Variants in CASKIN2 observed in about 807,000 individuals in gnomAD.
The protein encoded by CASKIN2 is caskin-2.
CASKIN2 carries 41 observed loss-of-function variants against 107.1 expected under a neutral mutation model. The ratio of observed to expected loss-of-function variants is 0.38; its 90% CI spans 0.30 to 0.50. The LOEUF (loss-of-function observed/expected upper bound fraction) is 0.50, where lower values mean the gene tolerates loss of function less well. Among genes scored for constraint, CASKIN2 ranks in the 20% least tolerant of loss-of-function variants. CASKIN2 has a pLI of 0.92. For synonymous variants in CASKIN2, 724 were observed against 705.6 expected (o/e 1.03, Z -0.41); for missense variants, 1,546 against 1,657.4 (o/e 0.93, Z 1.17).
intron 2 of CASKIN2, among the ~76,000 whole-genome samples, chr17:75,513,510 G>A (rs1453003104): frequency 6.6e-6 from 1 of 152,148 alleles, no homozygotes; most frequent in Non-Finnish European, 1.5e-5. Context: ...GCCCAGAGAG[G>A]TTAAGTGACT....
In CASKIN2 at chr17:75,502,316, G is replaced by A. The variant is rs1029321751; in HGVS notation, c.2758C>T (p.Pro920Ser). 1 of 1,489,778 alleles carries A rather than the reference G, an allele frequency of 6.7e-7. No individual in the cohort carries two copies. The highest frequency in any genetic ancestry group is 2.4e-5 in the Admixed American group (1 of 42,044). The allele number at this position is 1,489,778 out of a possible 1,614,324, so 92.3% of individuals were successfully genotyped here. Residue 920 changes from proline (P) to serine (S), a missense_variant, in exon 18 of 20, where the codon CCT becomes TCT. By Grantham distance (74) the Pro-to-Ser change is moderately conservative (BLOSUM62 -1). This residue lies in a region of CASKIN2 where 1,311 missense variants were observed against 1,311.0 expected (regional missense o/e 1.00). Coordinates refer to ENST00000321617, the MANE Select transcript of CASKIN2 (RefSeq NM_020753.5). This position sits in a 1 kb window ranked among gnomAD's most constrained non-coding sequence, Gnocchi z 4.3. ...TCTGACGCGGGCCCAGCCGGGGCAGGTGGGCCAGGGGGCTCTGAGGGGCCA... is the reference window on the plus strand; with the variant it reads ...TCTGACGCGGGCCCAGCCGGGGCAGATGGGCCAGGGGGCTCTGAGGGGCCA... ...PAGPSEPPGP[P>S]APAGPASDTE...
intron 2 of CASKIN2, among the ~76,000 whole-genome samples, chr17:75,509,255 T>C (rs550971483): frequency 6.6e-6 from 1 of 152,312 alleles, no homozygotes; most frequent in South Asian, 2.1e-4. Context: ...AGGCCTGTCA[T>C]GGGTGGCCCC....
chr17:75,501,868 G>C lies in CASKIN2; in HGVS notation c.3206C>G (p.Pro1069Arg). Residue 1069 changes from proline (P) to arginine (R), a missense_variant, in exon 18 of 20, where the codon CCA becomes CGA. Physicochemically the swap from Pro to Arg is moderately radical, Grantham distance 103. Coordinates refer to ENST00000321617, the MANE Select transcript of CASKIN2 (RefSeq NM_020753.5). Reference sequence around the variant, plus strand: ...ACTAGCTGCTGAGCTTTCCAGACCTGGCCCTGGGCAGGGCGGCACTGGAGG... The same window carrying C: ...ACTAGCTGCTGAGCTTTCCAGACCTCGCCCTGGGCAGGGCGGCACTGGAGG... ...MQPPVPPCPGPGLESSAASRW... is the reference protein window; with the variant it reads ...MQPPVPPCPGRGLESSAASRW... 1.3e-6 allele frequency: 2 copies of C among 1,562,278 alleles called. No homozygotes were observed. The highest frequency in any genetic ancestry group is 1.7e-6 in the Non-Finnish European group (2 of 1,155,506).
rs1251691891 is a variant in CASKIN2 at position 75,505,257 on chromosome 17, CCT to C, written c.931-186_931-185del. 21 of 710,156 alleles carry C rather than the reference CCT, an allele frequency of 3.0e-5. No individual in the cohort carries two copies. Among genetic ancestry groups the C allele is most frequent in the African/African-American group, 2.3e-4 (13 of 56,226 alleles). 44.0% of individuals were successfully genotyped at this position (710,156 alleles called of 1,614,324 possible). On this transcript the variant is annotated intron_variant, in intron 10 of 19. Transcript: ENST00000321617. The surrounding 1 kb of genome is among the most constrained non-coding windows in gnomAD (Gnocchi z 5.1). ...GCTGCCAGCAGCCAGCTCAATCTCC[CCT>C]GTGCCTCCAGGGCGAGCCCCAGTGG... is the stretch of plus-strand genomic sequence containing the variant.
intron 2 of CASKIN2, among the ~76,000 whole-genome samples, chr17:75,512,975 G>A (rs182837627): frequency 1.3e-5 from 2 of 152,036 alleles, no homozygotes; most frequent in Admixed American, 6.5e-5. Flanking sequence ...AAATGTGTGC[G>A]TTTGAGGTTG....
In CASKIN2 at chr17:75,508,248, G is replaced by T; in HGVS notation, c.132C>A (p.Tyr44Ter). Residue 44 changes from tyrosine to a stop codon, truncating the protein, a stop_gained, in exon 3 of 20, where the codon TAC (tyrosine) becomes TAA (stop). Coordinates refer to ENST00000321617, the MANE Select transcript of CASKIN2 (RefSeq NM_020753.5). LOFTEE classifies it high-confidence loss of function. ...CTCCCACTCACCCATCAGCATCCTG[G>T]TAGTTCACGTTGAGCCTCTTTGTGG... ...LGSTKRLNVN[Y>*]QDADGFSALH... 6.2e-7 allele frequency: 1 copy of T among 1,613,936 alleles called. No individual in the cohort carries two copies.
intron 2 of CASKIN2, chr17:75,510,001 C>T (rs2053303367): frequency 1.2e-6 from 1 of 861,506 alleles, no homozygotes; most frequent in Non-Finnish European, 1.4e-6. Context: ...GGGCTGGGGA[C>T]CCTGGCAGGA....
intron 19 of CASKIN2, 49 bp downstream of exon 19, chr17:75,501,419 G>A (rs778663554): frequency 1.9e-6 from 3 of 1,544,170 alleles, no homozygotes; most frequent in South Asian, 1.2e-5. Flanking sequence ...GATGCAGGGA[G>A]CACTGTTTCT....
rs1162350284 is a variant in CASKIN2, at chr17:75,506,657, G to A, written c.543C>T (p.Ala181=). 6.8e-6 allele frequency: 11 copies of A among 1,613,200 alleles called. No homozygotes were observed. The South Asian group carries it at 1.1e-4, about 16-fold the overall frequency. ...TGTAGTTGGGGTCACACGGGTCTTT[G>A]GCCTCACCCTCCAGCAGTGCCACAC... ...HLCVALLEGE[A]KDPCDPNYTT... is the part of the protein sequence containing the mutation. The change falls in exon 7 of 20, where the codon GCC becomes GCT. Residue 181 remains alanine (A), a synonymous_variant. Coordinates refer to ENST00000321617, the MANE Select transcript of CASKIN2 (RefSeq NM_020753.5). This position sits in a 1 kb window ranked among gnomAD's most constrained non-coding sequence, Gnocchi z 4.8.
chr17:75,503,289 G>C (rs529687890), intron 17 of CASKIN2, 35 bp from the exon 18 acceptor site: 1 of 1,573,406 alleles, frequency 6.4e-7, no homozygotes, highest in East Asian at 2.3e-5. Context: ...AGGTTAGCTG[G>C]GGCTGGGGTT....
intron 1 of CASKIN2, among the ~76,000 whole-genome samples, chr17:75,514,474 T>C (rs1457852969): frequency 6.6e-6 from 1 of 152,084 alleles, no homozygotes; most frequent in East Asian, 1.9e-4. Context: ...TACCTCAACC[T>C]TGGGCAGGAG....
chr17:75,502,422 C>CGGGCTG lies in CASKIN2; in HGVS notation c.2646_2651dup (p.Ser883_Pro884dup). The CGGGCTG allele has an allele frequency of 7.2e-7, 1 of 1,387,724 alleles. No homozygotes were observed. The highest frequency in any genetic ancestry group is 9.3e-7 in the Non-Finnish European group (1 of 1,079,094). The allele number at this position is 1,387,724 out of a possible 1,614,324, so 86.0% of individuals were successfully genotyped here. Reference sequence around the variant, plus strand: ...GGCTCTCATCTAGTGGAGGTGGCTCCGGGCTGGGGCCAGAGACGGAGCTGA... The same window carrying CGGGCTG: ...GGCTCTCATCTAGTGGAGGTGGCTCCGGGCTGGGGCTGGGGCCAGAGACGGAGCTGA... On this transcript the variant is annotated inframe_insertion, in exon 18 of 20. Transcript: ENST00000321617. The surrounding 1 kb of genome is among the most constrained non-coding windows in gnomAD (Gnocchi z 4.3).
At chr17:75,507,926 G>A (rs2053282884) in intron 3 of CASKIN2, 4 of 581,752 alleles carry the variant, frequency 6.9e-6, no homozygotes, top group Non-Finnish European at 1.2e-5. Flanking sequence ...GGGGGCCGTG[G>A]GAGCAGGAGC....
rs1283234669 is a variant in CASKIN2, at chr17:75,501,820, G to A, written c.3254C>T (p.Pro1085Leu). 6.4e-7 allele frequency: 1 copy of A among 1,551,206 alleles called. No homozygotes were observed. ...AASRWNGETE[P>L]PAAPAALLKV... ...GAGGAGGGCAGCAGGGGCGGCCGGGGGTTCTGTCTCCCCATTCCACCGACT... is the reference window on the plus strand; with the variant it reads ...GAGGAGGGCAGCAGGGGCGGCCGGGAGTTCTGTCTCCCCATTCCACCGACT... Residue 1085 changes from proline (P) to leucine (L), a missense_variant, in exon 18 of 20, where the codon CCC becomes CTC. This residue lies in a region of CASKIN2 where 1,311 missense variants were observed against 1,311.0 expected (regional missense o/e 1.00). Coordinates refer to ENST00000321617, the MANE Select transcript of CASKIN2 (RefSeq NM_020753.5).
At position 75,503,425 on chromosome 17, in the gene CASKIN2, A is replaced by C. The variant is rs1438524710; in HGVS notation, c.1783T>G (p.Trp595Gly). ...ACCCCAATCTCCTGCAGCTCCTCCC[A>C]GGTGAGGTCGGCCACCAGCCCCATG... is the stretch of plus-strand genomic sequence containing the variant. ...DSMGLVADLT[W>G]EELQEIGVNK... is the part of the protein sequence containing the mutation. Residue 595 changes from tryptophan (W) to glycine (G), a missense_variant, in exon 17 of 20, where the codon TGG becomes GGG. Around this residue, in one of 6 missense-constraint regions of CASKIN2, gnomAD observed 1,311 missense variants for 1,311.0 expected, o/e 1.00. Coordinates refer to ENST00000321617, the MANE Select transcript of CASKIN2 (RefSeq NM_020753.5). The C allele has an allele frequency of 1.9e-6, 3 of 1,612,814 alleles. No individual in the cohort carries two copies. The highest frequency in any genetic ancestry group is 2.5e-6 in the Non-Finnish European group (3 of 1,179,890).
rs529550656 is a variant in CASKIN2 at position 75,504,240 on chromosome 17, C to A, written c.1442G>T (p.Arg481Leu). 3.8e-6 allele frequency: 6 copies of A among 1,598,426 alleles called. No individual in the cohort carries two copies. In the South Asian group the frequency reaches 6.8e-5, roughly 18 times the overall value. The stretch of plus-strand genomic sequence containing the variant: ...CTTCCCCTCCAGCAGCTGTTCTGGC[C>A]GCACGTCCTGGGTGAAGATCTGCTC... The part of the protein sequence containing the change: ...SGEQIFTQDV[R>L]PEQLLEGKDA... Residue 481 changes from arginine to leucine, a missense_variant, in exon 14 of 20, where the codon CGG becomes CTG. By Grantham distance (102) the Arg-to-Leu change is moderately radical. Coordinates refer to ENST00000321617, the MANE Select transcript of CASKIN2 (RefSeq NM_020753.5).
At chr17:75,509,991 G>A (rs984039596) in intron 2 of CASKIN2, 16 of 919,036 alleles carry the variant, frequency 1.7e-5, no homozygotes, top group East Asian at 2.4e-4. Flanking sequence ...CAGAGTGACC[G>A]GGCTGGGGAC....
chr17:75,502,064 T>A lies in CASKIN2; in HGVS notation c.3010A>T (p.Thr1004Ser), dbSNP rs1201248059. The change falls in exon 18 of 20, where the codon ACC becomes TCC. Residue 1004 changes from threonine to serine, a missense_variant. Physicochemically the swap from Thr to Ser is moderately conservative, Grantham distance 58 (BLOSUM62 1). Transcript: ENST00000321617. This position sits in a 1 kb window ranked among gnomAD's most constrained non-coding sequence, Gnocchi z 4.3. The part of the protein sequence containing the change: ...PKCREREPLQ[T>S]ALLAFGVASA... ...GCCACTCCGAAGGCCAGCAGTGCGG[T>A]CTGCAGTGGCTCTCTCTCCCGGCAC... is the stretch of plus-strand genomic sequence containing the variant. The A allele has an allele frequency of 6.2e-7, 1 of 1,612,054 alleles. No individual in the cohort carries two copies. Among genetic ancestry groups the A allele is most frequent in the South Asian group, 1.1e-5 (1 of 91,072 alleles).
Position 75,510,693 on chromosome 17 carries a change from C to T in CASKIN2, c.95-2408G>A, listed in dbSNP as rs1360211643. Among the ~76,000 whole-genome samples the T allele has an allele frequency of 7.9e-5, 12 of 152,150 alleles. No homozygotes were observed. In the East Asian group the frequency reaches 1.4e-3, roughly 17 times the overall value. On this transcript the variant is annotated intron_variant, in intron 2 of 19. Coordinates refer to ENST00000321617, the MANE Select transcript of CASKIN2 (RefSeq NM_020753.5). The stretch of plus-strand genomic sequence containing the variant: ...GCAGCCTTGACCTCCCCGACTCAAG[C>T]GATCCTCCCACCTCAGCCTCCTGAA...
Sources: gnomAD v4.1 joint callset for allele counts (sites outside exome capture counted in the v4.1 genomes callset) on GRCh38, gnomAD v4.1.1 for gene constraint, gnomAD v4.1.1 regional missense constraint, Gnocchi (gnomAD v3.1) non-coding constraint, MANE v1.5 for transcripts, NCBI Gene and HGNC (gene_info 2026-07-23, HGNC 2026-07-21) for gene names.